Variants in HFM1 observed in about 807,000 individuals in gnomAD.
The protein encoded by HFM1 is helicase for meiosis 1.
HFM1 carries 169 observed loss-of-function variants against 192.1 expected under a neutral mutation model. That is an observed-to-expected ratio of 0.88 (90% CI 0.78 to 1.00). The LOEUF (loss-of-function observed/expected upper bound fraction) is 1.00. Ranked by LOEUF, HFM1 falls within the 50% of genes least tolerant of loss-of-function variation. The pLI, the probability that HFM1 is intolerant of heterozygous loss-of-function variation, is 0.00. For missense variants in HFM1, 1,661 were observed against 1,668.0 expected (o/e 1.00, Z 0.07); for synonymous variants, 525 against 537.8 (o/e 0.98, Z 0.33).
chr1:91,385,339 C>A (rs887885719), intron 5 of HFM1, 105 bp from the exon 6 acceptor site: 1 of 807,000 alleles, frequency 1.2e-6, no homozygotes, highest in South Asian at 1.7e-5. Flanking sequence ...AAAACTGTTT[C>A]AATAAAACTA....
At chr1:91,297,387 G>A (rs12126404) in intron 30 of HFM1, among the ~76,000 whole-genome samples, 18 of 152,210 alleles carry the variant, frequency 1.2e-4, no homozygotes, top group Non-Finnish European at 2.4e-4. Flanking sequence ...CAAACAAAAG[G>A]CAGCAGAAAC....
intron 6 of HFM1, among the ~76,000 whole-genome samples, chr1:91,384,876 T>C (rs1287876396): frequency 1.3e-5 from 2 of 152,006 alleles, no homozygotes; most frequent in South Asian, 2.1e-4. Flanking sequence ...CCTGAGTAGC[T>C]GGGATTACAG....
intron 1 of HFM1, among the ~76,000 whole-genome samples, chr1:91,403,591 A>C (rs980950160): frequency 2.0e-5 from 3 of 152,166 alleles, no homozygotes; most frequent in African/African-American, 7.2e-5. Context: ...CAGATTTTTT[A>C]AGTTCCTATT....
At chr1:91,288,997 G>A (rs1044802617) in intron 30 of HFM1, among the ~76,000 whole-genome samples, 1 of 145,548 alleles carries the variant, frequency 6.9e-6, no homozygotes, top group Non-Finnish European at 1.5e-5. Flanking sequence ...GGCTGGTCAG[G>A]TGGGGGCTAC....
chr1:91,328,664 G>A, intron 20 of HFM1: 1 of 1,595,638 alleles, frequency 6.3e-7, no homozygotes, highest in South Asian at 1.1e-5. Flanking sequence ...CACAAGTCAG[G>A]CGAGCTGGCC....
intron 20 of HFM1, among the ~76,000 whole-genome samples, chr1:91,338,794 T>C (rs1476227363): frequency 6.6e-6 from 1 of 152,138 alleles, no homozygotes; most frequent in African/African-American, 2.4e-5. Flanking sequence ...GACCCTGCTG[T>C]GCCACCACCA....
At chr1:91,317,297 C>A (rs368381276) in intron 25 of HFM1, among the ~76,000 whole-genome samples, 21 of 152,216 alleles carry the variant, frequency 1.4e-4, no homozygotes, top group Admixed American at 8.5e-4. Context: ...GCCTGTAATC[C>A]CAGCTACTCA....
intron 38 of HFM1, 72 bp from the exon 39 acceptor site, chr1:91,261,431 T>G: frequency 1.6e-6 from 1 of 636,882 alleles, no homozygotes; most frequent in Non-Finnish European, 2.4e-6. Flanking sequence ...CAATAAATAA[T>G]GTAATACTAA....
chr1:91,384,000 TAAAAA>T (rs1661877515), intron 6 of HFM1, among the ~76,000 whole-genome samples: 1 of 152,060 alleles, frequency 6.6e-6, no homozygotes, highest in East Asian at 1.9e-4. Context: ...AAAAATAAAA[TAAAAA>T]AACCTTTGAC....
At chr1:91,377,844 T>C (rs1231175578) in intron 11 of HFM1, 181 bp downstream of exon 11, 4 of 596,992 alleles carry the variant, frequency 6.7e-6, no homozygotes, top group African/African-American at 3.9e-5. Context: ...TTATTAAACC[T>C]GATTAACCAA....
intron 4 of HFM1, among the ~76,000 whole-genome samples, chr1:91,392,575 A>T (rs1409889475): frequency 2.6e-5 from 4 of 152,120 alleles, no homozygotes. Context: ...GGTGGGGAAC[A>T]TCACACACCG....
chr1:91,364,059 T>C (rs879070479), intron 13 of HFM1, among the ~76,000 whole-genome samples: 1 of 151,976 alleles, frequency 6.6e-6, no homozygotes, highest in Non-Finnish European at 1.5e-5. Context: ...GCATTAAGAA[T>C]AATAGCTAAT....
At chr1:91,394,885 G>T (rs1039351354) in intron 3 of HFM1, among the ~76,000 whole-genome samples, 2 of 152,150 alleles carry the variant, frequency 1.3e-5, no homozygotes, top group African/African-American at 4.8e-5. Flanking sequence ...AGTGACAGAA[G>T]TTTAAAGGTT....
intron 20 of HFM1, chr1:91,329,538 C>T (rs1653486627): frequency 7.0e-6 from 10 of 1,434,740 alleles, no homozygotes; most frequent in African/African-American, 2.9e-5. Context: ...CCCCATTATA[C>T]CTCCTTGACA....
Position 91,385,214 on chromosome 1 carries a change from C to G in HFM1, c.775G>C (p.Gly259Arg), listed in dbSNP as rs766128752. 6.4e-6 allele frequency: 10 copies of G among 1,566,006 alleles called. No individual in the cohort carries two copies. Among genetic ancestry groups the G allele is most frequent in the Non-Finnish European group, 8.7e-6 (10 of 1,142,960 alleles). Reference sequence around the variant, plus strand: ...ATTTCTGTGACAGCCTTCAAGGAACCTAAACCATTTTCTGTTACCTCTGAA... The same window carrying G: ...ATTTCTGTGACAGCCTTCAAGGAACGTAAACCATTTTCTGTTACCTCTGAA... The part of the protein sequence containing the change: ...DIQEVTENGL[G>R]SLKAVTEIPA... Residue 259 changes from glycine to arginine, a missense_variant, in exon 6 of 39, where the codon GGT (glycine) becomes CGT (arginine). By Grantham distance (125) the Gly-to-Arg change is moderately radical. Coordinates refer to ENST00000370425, the MANE Select transcript of HFM1 (RefSeq NM_001017975.6).
chr1:91,282,692 G>T (rs1030235504), intron 30 of HFM1, among the ~76,000 whole-genome samples: 3 of 152,110 alleles, frequency 2.0e-5, no homozygotes, highest in African/African-American at 7.2e-5. Flanking sequence ...TCTCTCTCTA[G>T]TTGTACCAGT....
intron 32 of HFM1, among the ~76,000 whole-genome samples, chr1:91,276,042 GAGAA>G (rs1364220379): frequency 6.6e-6 from 1 of 152,050 alleles, no homozygotes; most frequent in African/African-American, 2.4e-5. Context: ...CTGTATTACT[GAGAA>G]AGAGTTTCTT....
At chr1:91,364,628 A>ATT (rs1407868515) in intron 13 of HFM1, among the ~76,000 whole-genome samples, 8,375 of 57,938 alleles carry the variant, frequency 0.14, 500 homozygotes, top group East Asian at 0.3. Flanking sequence ...ATATATATAT[A>ATT]TATATTTTTT....
At chr1:91,308,775 T>C (rs1224615652) in intron 30 of HFM1, among the ~76,000 whole-genome samples, 1 of 152,170 alleles carries the variant, frequency 6.6e-6, no homozygotes, top group African/African-American at 2.4e-5. Flanking sequence ...TTTTATCATA[T>C]GACAGACACT....
Sources: allele counts gnomAD v4.1 joint callset (sites outside exome capture counted in the v4.1 genomes callset), GRCh38; gene constraint gnomAD v4.1.1; transcripts MANE v1.5; gene names NCBI Gene and HGNC (gene_info 2026-07-23, HGNC 2026-07-21).